Variants in RNF220 observed in about 807,000 individuals in gnomAD.
The protein encoded by RNF220 is ring finger protein 220.
In RNF220, 7 loss-of-function variants were observed where a neutral mutation model predicts 67.1. The observed-to-expected ratio is 0.10, with a 90% CI of 0.06 to 0.20. The LOEUF is 0.20. Ranked by LOEUF, RNF220 falls within the 10% of genes least tolerant of loss-of-function variation. The probability of loss-of-function intolerance (pLI) is 1.00; values close to 1 mark genes in which losing one functional copy is unlikely to be tolerated. For missense variants in RNF220, 565 were observed against 740.3 expected, an observed-to-expected ratio of 0.76 and a Z score of 2.75; for synonymous variants, 270 against 283.2, an observed-to-expected ratio of 0.95 and a Z score of 0.47.
intron 2 of RNF220, among the ~76,000 whole-genome samples, chr1:44,566,241 C>T (rs1664004530): frequency 6.6e-6 from 1 of 152,196 alleles, no homozygotes; most frequent in South Asian, 2.1e-4. Flanking sequence ...TTAGCATTGG[C>T]TTTCAGAGAG....
chr1:44,571,928 G>T (rs1014313490), intron 2 of RNF220, among the ~76,000 whole-genome samples: 1 of 151,888 alleles, frequency 6.6e-6, no homozygotes, highest in Non-Finnish European at 1.5e-5. Flanking sequence ...CCTAAATTCC[G>T]TTCATCCTAC....
chr1:44,582,366 A>G (rs1471314130), intron 2 of RNF220, among the ~76,000 whole-genome samples: 1 of 152,132 alleles, frequency 6.6e-6, no homozygotes. Context: ...AAAGGATGGG[A>G]AAAGAAGGGC....
Position 44,645,604 on chromosome 1 carries a change from C to G in RNF220, c.1445+116C>G. 1 of 1,023,394 alleles carries G rather than the reference C, an allele frequency of 9.8e-7. No homozygotes were observed. Among genetic ancestry groups the G allele is most frequent in the South Asian group, 1.4e-5 (1 of 69,332 alleles). 63.4% of individuals were successfully genotyped at this position (1,023,394 alleles called of 1,614,324 possible). A position where few individuals can be genotyped will look rare whatever the true frequency, so the allele number is the denominator to read the frequency against. On this transcript the variant is annotated intron_variant, in intron 12 of 14. Transcript: ENST00000361799. The surrounding 1 kb of genome is among the most constrained non-coding windows in gnomAD (Gnocchi z 5.0). Reference sequence around the variant, plus strand: ...TGGCCCTCCCAAGTGCAGCTCAGTGCTGCTGCCCTGGGCACACGGCCGGCA... The same window carrying G: ...TGGCCCTCCCAAGTGCAGCTCAGTGGTGCTGCCCTGGGCACACGGCCGGCA...
intron 1 of RNF220, among the ~76,000 whole-genome samples, chr1:44,411,779 G>A (rs909508289): frequency 2.0e-5 from 3 of 152,168 alleles, no homozygotes; most frequent in Admixed American, 6.5e-5. Flanking sequence ...TCAGCTACGC[G>A]TACATCACAG....
intron 2 of RNF220, chr1:44,572,875 T>C (rs917797002): frequency 2.9e-5 from 6 of 207,158 alleles, no homozygotes; most frequent in Non-Finnish European, 5.3e-5. Flanking sequence ...TGGGGAGAGA[T>C]ACCCATGAGG....
At chr1:44,557,421 AGGG>A (rs1306624484) in intron 2 of RNF220, among the ~76,000 whole-genome samples, 36 of 147,870 alleles carry the variant, frequency 2.4e-4, no homozygotes, top group Non-Finnish European at 3.9e-4. Flanking sequence ...GGAAGGAAGG[AGGG>A]AGGGAGGGAG....
At chr1:44,602,885 G>A (rs1423688430) in intron 2 of RNF220, among the ~76,000 whole-genome samples, 6 of 151,936 alleles carry the variant, frequency 3.9e-5, no homozygotes, top group South Asian at 2.1e-4. Flanking sequence ...CCAGCCAGTC[G>A]TCCCTCCCTG....
chr1:44,575,892 A>C (rs1664768704), intron 2 of RNF220, among the ~76,000 whole-genome samples: 1 of 152,224 alleles, frequency 6.6e-6, no homozygotes, highest in Non-Finnish European at 1.5e-5. Context: ...CTTAAGAAAC[A>C]TTTGTTTAAT....
rs1644579613 is a variant in RNF220 at position 44,644,533 on chromosome 1, T to C, written c.1127-165T>C. On this transcript the variant is annotated intron_variant, in intron 8 of 14. Transcript: ENST00000361799. ...GGTTTGCAGAGTGAAGGGCCTGAAATGTCAGGGTCAGGGGCACTGAAGTAT... is the reference window on the plus strand; with the variant it reads ...GGTTTGCAGAGTGAAGGGCCTGAAACGTCAGGGTCAGGGGCACTGAAGTAT... The C allele has an allele frequency of 6.7e-6, 4 of 593,334 alleles. No homozygotes were observed. The East Asian group carries it at 8.4e-5, about 12-fold the overall frequency. The allele number at this position is 593,334 out of a possible 1,614,324, so 36.8% of individuals were successfully genotyped here. A position where few individuals can be genotyped will look rare whatever the true frequency, so the allele number is the denominator to read the frequency against.
chr1:44,412,330 G>A lies in RNF220; in HGVS notation c.233G>A (p.Gly78Glu), dbSNP rs774112020. Residue 78 changes from glycine to glutamate, a missense_variant, in exon 2 of 15, where the codon GGG becomes GAG. By Grantham distance (98) the Gly-to-Glu change is moderately conservative. Transcript: ENST00000361799. This position sits in a 1 kb window ranked among gnomAD's most constrained non-coding sequence, Gnocchi z 5.3. ...TFASMYHRQG[G>E]VPGTFANRDF... is the part of the protein sequence containing the mutation. ...GCCTCTATGTACCATCGGCAAGGTG[G>A]GGTGCCAGGCACTTTTGCCAATCGT... 1.2e-6 allele frequency: 2 copies of A among 1,614,112 alleles called. No individual in the cohort carries two copies. Among genetic ancestry groups the A allele is most frequent in the Non-Finnish European group, 1.7e-6 (2 of 1,180,012 alleles).
At chr1:44,603,055 A>G (rs10789450) in intron 2 of RNF220, among the ~76,000 whole-genome samples, 74,024 of 151,910 alleles carry the variant, frequency 0.49, 18,951 homozygotes, top group Middle Eastern at 0.61. Context: ...AGGATCTGTC[A>G]CCAGCAATGA....
chr1:44,641,219 G>A (rs1644480760), intron 8 of RNF220, among the ~76,000 whole-genome samples: 1 of 152,164 alleles, frequency 6.6e-6, no homozygotes, highest in African/African-American at 2.4e-5. Context: ...CACCCCGCCA[G>A]GAATGGACAA....
At chr1:44,598,915 C>G (rs1666728222) in intron 2 of RNF220, among the ~76,000 whole-genome samples, 1 of 152,156 alleles carries the variant, frequency 6.6e-6, no homozygotes, top group Non-Finnish European at 1.5e-5. Context: ...CCTCAATTGC[C>G]TTCCTTCCCC....
At chr1:44,573,257 ACTT>A (rs150203641) in intron 2 of RNF220, among the ~76,000 whole-genome samples, 1,557 of 152,326 alleles carry the variant, frequency 0.01, 34 homozygotes, top group African/African-American at 0.036. Flanking sequence ...AGGAGTTTGA[ACTT>A]CTTCTTGTTT....
chr1:44,558,657 A>AG (rs1354018758), intron 2 of RNF220, among the ~76,000 whole-genome samples: 1 of 152,228 alleles, frequency 6.6e-6, no homozygotes, highest in Non-Finnish European at 1.5e-5. Flanking sequence ...GAGAGGTTAA[A>AG]CAACCTCCCC....
chr1:44,601,586 CTG>C (rs1666922773), intron 2 of RNF220, among the ~76,000 whole-genome samples: 1 of 152,030 alleles, frequency 6.6e-6, no homozygotes, highest in Admixed American at 6.6e-5. Flanking sequence ...TCCACTGAAA[CTG>C]GAGGGAACAG....
At chr1:44,497,996 G>A (rs1293688229) in intron 2 of RNF220, among the ~76,000 whole-genome samples, 1 of 152,194 alleles carries the variant, frequency 6.6e-6, no homozygotes, top group Non-Finnish European at 1.5e-5. Flanking sequence ...GTGGGGAAAA[G>A]CCTGGCCTGG....
At chr1:44,461,520 G>C (rs905257930) in intron 2 of RNF220, among the ~76,000 whole-genome samples, 1 of 152,228 alleles carries the variant, frequency 6.6e-6, no homozygotes, top group Admixed American at 6.5e-5. Context: ...TTTATATTTA[G>C]TTTATTTGAG....
At chr1:44,480,158 C>A (rs1216825447) in intron 2 of RNF220, among the ~76,000 whole-genome samples, 2 of 152,220 alleles carry the variant, frequency 1.3e-5, no homozygotes, top group Non-Finnish European at 2.9e-5. Context: ...ACTCCCAGCA[C>A]TTTGGGAGGC....
Sources: allele counts gnomAD v4.1 joint callset (sites outside exome capture counted in the v4.1 genomes callset), GRCh38; gene constraint gnomAD v4.1.1; non-coding constraint Gnocchi (gnomAD v3.1); transcripts MANE v1.5; gene names NCBI Gene and HGNC (gene_info 2026-07-23, HGNC 2026-07-21).